TRIB3: variants seen among roughly 807,000 people sequenced by gnomAD.
TRIB3 encodes the protein tribbles homolog 3.
Under a neutral mutation model 16.6 loss-of-function variants are expected in TRIB3, and 20 were observed. The observed-to-expected ratio is 1.20, with a 90% CI of 0.85 to 1.75. The LOEUF (loss-of-function observed/expected upper bound fraction) is 1.75, where lower values mean the gene tolerates loss of function less well. TRIB3 is among the 40% of genes most tolerant of loss of function. The pLI, the probability that TRIB3 is intolerant of heterozygous loss-of-function variation, is 0.00. For synonymous variants in TRIB3, 208 were observed against 217.0 expected, an observed-to-expected ratio of 0.96 and a Z score of 0.36; for missense variants, 484 against 488.9, an observed-to-expected ratio of 0.99 and a Z score of 0.10.
chr20:395,353 T>A (rs1475467403), intron 3 of TRIB3, among the ~76,000 whole-genome samples: 1 of 151,298 alleles, frequency 6.6e-6, no homozygotes, highest in Non-Finnish European at 1.5e-5. Flanking sequence ...TAGAGATAGG[T>A]TTTTACCGTG....
chr20:384,111 T>A (rs1170456043), intron 1 of TRIB3, among the ~76,000 whole-genome samples: 1 of 152,096 alleles, frequency 6.6e-6, no homozygotes, highest in Non-Finnish European at 1.5e-5. Flanking sequence ...CGCGTCTCCA[T>A]CTAGCACCCC....
chr20:381,793 G>A (rs114021273), intron 1 of TRIB3, among the ~76,000 whole-genome samples: 2,848 of 152,280 alleles, frequency 0.019, 89 homozygotes, highest in African/African-American at 0.064. Context: ...CGCGATCTCT[G>A]GCCCGGCAGG....
chr20:382,069 G>A (rs1289118287), intron 1 of TRIB3, among the ~76,000 whole-genome samples: 5 of 152,018 alleles, frequency 3.3e-5, no homozygotes, highest in Admixed American at 6.6e-5. Flanking sequence ...GCCTTGCTCG[G>A]GTAGACCATG....
chr20:388,258 A>G lies in TRIB3; in HGVS notation c.248A>G (p.Tyr83Cys), dbSNP rs2014878753. ...GAGCCCGAGGAGGGCGGGCGGGCCT[A>G]CCAGGCCCTGCACTGCCCTACAGGC... ...LLEPEEGGRA[Y>C]QALHCPTGTE... The change falls in exon 2 of 4, where the codon TAC (tyrosine) becomes TGC (cysteine). Residue 83 changes from tyrosine to cysteine, a missense_variant. Tyr to Cys is a radical substitution (Grantham distance 194). Coordinates refer to ENST00000217233, the MANE Select transcript of TRIB3 (RefSeq NM_021158.5). The G allele has an allele frequency of 1.2e-6, 2 of 1,613,186 alleles. No individual in the cohort carries two copies. Among genetic ancestry groups the G allele is most frequent in the African/African-American group, 2.7e-5 (2 of 74,944 alleles).
At chr20:395,832 A>T (rs1008791493) in intron 3 of TRIB3, among the ~76,000 whole-genome samples, 2 of 152,104 alleles carry the variant, frequency 1.3e-5, no homozygotes, top group African/African-American at 4.8e-5. Flanking sequence ...GCTTGTGCTG[A>T]GATGTCAGGC....
intron 1 of TRIB3, among the ~76,000 whole-genome samples, chr20:384,104 G>A (rs1401124092): frequency 6.6e-5 from 10 of 151,888 alleles, no homozygotes; most frequent in South Asian, 2.1e-4. Flanking sequence ...TTAACTTCGC[G>A]TCTCCATCTA....
chr20:395,240 A>G (rs954732805), intron 3 of TRIB3, among the ~76,000 whole-genome samples: 3 of 151,670 alleles, frequency 2.0e-5, no homozygotes, highest in Non-Finnish European at 4.4e-5. Flanking sequence ...GCTCACTGCA[A>G]CCGCCACCTC....
chr20:389,988 C>T (rs570553640), intron 2 of TRIB3, among the ~76,000 whole-genome samples: 25 of 152,238 alleles, frequency 1.6e-4, no homozygotes, highest in African/African-American at 2.9e-4. Context: ...ATCAAGCTGA[C>T]GTTCTAGTGG....
At chr20:388,507 GC>G (rs2014886921) in intron 2 of TRIB3, among the ~76,000 whole-genome samples, 1 of 152,178 alleles carries the variant, frequency 6.6e-6, no homozygotes, top group Non-Finnish European at 1.5e-5. Context: ...CACAGCTTAG[GC>G]CCTACAGTGT....
rs2015024146 is a variant in TRIB3, at chr20:393,068, GAAAAC to G, written c.584+1490_584+1494del. On this transcript the variant is annotated intron_variant, in intron 3 of 3. Coordinates refer to ENST00000217233, the MANE Select transcript of TRIB3 (RefSeq NM_021158.5). ...ATCTTGAAATAATTTTAGACTTTTA[GAAAAC>G]CTACAAAAATAGTTCAAAGAGTTTC... Among the ~76,000 whole-genome samples, 4 of 147,282 alleles carry G rather than the reference GAAAAC, an allele frequency of 2.7e-5. 1 individual carries two copies. Among genetic ancestry groups the G allele is most frequent in the African/African-American group, 5.1e-5 (2 of 39,310 alleles).
At chr20:394,234 T>C (rs2015064251) in intron 3 of TRIB3, among the ~76,000 whole-genome samples, 1 of 152,186 alleles carries the variant, frequency 6.6e-6, no homozygotes, top group Non-Finnish European at 1.5e-5. Flanking sequence ...TTTTGCCATG[T>C]TGGCCAGGCT....
intron 2 of TRIB3, among the ~76,000 whole-genome samples, chr20:390,550 CAA>C (rs1382130014): frequency 1.3e-5 from 2 of 152,172 alleles, no homozygotes; most frequent in Non-Finnish European, 2.9e-5. Flanking sequence ...CGTGGGTGGG[CAA>C]AGAGGACGGG....
rs2014861067 is a variant in TRIB3 at position 387,866 on chromosome 20, A to G, written c.1-145A>G. ...ATAAATTCCCAGAAGTGGGGCACCCAGTTAAGGATATGTGACTTTGTCATT... is the reference window on the plus strand; with the variant it reads ...ATAAATTCCCAGAAGTGGGGCACCCGGTTAAGGATATGTGACTTTGTCATT... On this transcript the variant is annotated intron_variant, in intron 1 of 3. Transcript: ENST00000217233. 12 of 945,578 alleles carry G rather than the reference A, an allele frequency of 1.3e-5. 1 individual carries two copies. In the South Asian group the frequency reaches 1.6e-4, roughly 12 times the overall value. 58.6% of individuals were successfully genotyped at this position (945,578 alleles called of 1,614,324 possible).
At chr20:390,337 A>G (rs561981876) in intron 2 of TRIB3, among the ~76,000 whole-genome samples, 1 of 97,186 alleles carries the variant, frequency 1.0e-5, no homozygotes, top group African/African-American at 4.1e-5. Context: ...TCAAAAAAAC[A>G]AAAAACAAAC....
rs200373395 is a variant in TRIB3, at chr20:396,433, C to T, written c.820C>T (p.Arg274Cys). ...SEPVLLFGKI[R>C]RGAYALPAGL... Reference sequence around the variant, plus strand: ...GCCTGTCCTGCTCTTCGGCAAGATCCGCCGCGGGGCCTACGCCTTGCCTGC... The same window carrying T: ...GCCTGTCCTGCTCTTCGGCAAGATCTGCCGCGGGGCCTACGCCTTGCCTGC... The change falls in exon 4 of 4, where the codon CGC (arginine) becomes TGC (cysteine). Residue 274 changes from arginine (R) to cysteine (C), a missense_variant. Transcript: ENST00000217233. 4.5e-5 allele frequency: 72 copies of T among 1,612,858 alleles called. 2 individuals carry two copies. In the Middle Eastern group the frequency reaches 6.6e-4, roughly 15 times the overall value.
rs977525080 is a variant in TRIB3, at chr20:396,780, T to G, written c.*90T>G. The G allele has an allele frequency of 8.0e-6, 12 of 1,502,996 alleles. No individual in the cohort carries two copies. In the African/African-American group the frequency reaches 1.7e-4, roughly 21 times the overall value. The allele number at this position is 1,502,996 out of a possible 1,614,324, so 93.1% of individuals were successfully genotyped here. The stretch of plus-strand genomic sequence containing the variant: ...TCCTGCCTCTGAACTGAGCCAAACC[T>G]TCAGTGCCTTCCAGAAGGGAGAAAG... On this transcript the variant is annotated 3_prime_UTR_variant, in exon 4 of 4. Coordinates refer to ENST00000217233, the MANE Select transcript of TRIB3 (RefSeq NM_021158.5).
intron 3 of TRIB3, among the ~76,000 whole-genome samples, chr20:395,162 CTTT>C (rs11470607): frequency 8.9e-5 from 13 of 145,478 alleles, no homozygotes; most frequent in African/African-American, 1.3e-4. Flanking sequence ...GCAGGACACA[CTTT>C]TTTTTTTTTT....
At chr20:394,827 G>A (rs138372636) in intron 3 of TRIB3, among the ~76,000 whole-genome samples, 1 of 151,946 alleles carries the variant, frequency 6.6e-6, no homozygotes, top group East Asian at 1.9e-4. Flanking sequence ...TCACATGAGA[G>A]TCATTGGTAG....
rs775343190 is a variant in TRIB3 at position 391,304 on chromosome 20, A to G, written c.309A>G (p.Glu103=). ...EYTCKVYPVQ[E]ALAVLEPYAR... is the part of the protein sequence containing the mutation. Reference sequence around the variant, plus strand: ...GCCCACAGGTGTACCCCGTCCAGGAAGCCCTGGCCGTGCTGGAGCCCTATG... The same window carrying G: ...GCCCACAGGTGTACCCCGTCCAGGAGGCCCTGGCCGTGCTGGAGCCCTATG... Residue 103 remains glutamate (E), a synonymous_variant, in exon 3 of 4, where the codon GAA becomes GAG. Transcript: ENST00000217233. 38 of 1,612,458 alleles carry G rather than the reference A, an allele frequency of 2.4e-5. No individual in the cohort carries two copies. Among genetic ancestry groups the G allele is most frequent in the Middle Eastern group, 1.7e-4 (1 of 5,948 alleles).
Sources: allele counts gnomAD v4.1 joint callset (sites outside exome capture counted in the v4.1 genomes callset), GRCh38; gene constraint gnomAD v4.1.1; transcripts MANE v1.5; gene names NCBI Gene and HGNC (gene_info 2026-07-23, HGNC 2026-07-21).